UBE2V2: variants seen among roughly 807,000 people sequenced by gnomAD.
UBE2V2 encodes ubiquitin conjugating enzyme E2 V2, also known as ubiquitin-conjugating enzyme E2 variant 2.
A neutral mutation model predicts 17.2 loss-of-function variants in UBE2V2; 9 were observed. The observed-to-expected ratio is 0.52, with a 90% CI of 0.32 to 0.91. The LOEUF (loss-of-function observed/expected upper bound fraction) is 0.91, where lower values mean the gene tolerates loss of function less well. Among genes scored for constraint, UBE2V2 ranks in the 40% least tolerant of loss-of-function variants. The probability of loss-of-function intolerance (pLI) is 0.04; values close to 1 mark genes in which losing one functional copy is unlikely to be tolerated. For synonymous variants in UBE2V2, 61 were observed against 57.5 expected, an observed-to-expected ratio of 1.06 and a Z score of -0.28; for missense variants, 133 against 182.6, an observed-to-expected ratio of 0.73 and a Z score of 1.56.
At chr8:48,048,337 CT>C (rs1317820701) in intron 2 of UBE2V2, among the ~76,000 whole-genome samples, 4 of 152,294 alleles carry the variant, frequency 2.6e-5, no homozygotes, top group African/African-American at 9.6e-5. Context: ...GTGTTTATCA[CT>C]TCTTTTTATG....
At chr8:48,040,880 T>C (rs934665448) in intron 1 of UBE2V2, among the ~76,000 whole-genome samples, 1 of 134,172 alleles carries the variant, frequency 7.5e-6, no homozygotes, top group South Asian at 2.4e-4. Context: ...TGTGTGTGTG[T>C]GTGAGACAGA....
At chr8:47,999,375 T>G in the UBE2V2 span, among the ~76,000 whole-genome samples, 1 of 151,872 alleles carries the variant, frequency 6.6e-6, no homozygotes, top group African/African-American at 2.4e-5. Flanking sequence ...TTTTTTTTTT[T>G]GAGATGGAGT....
chr8:48,043,817 C>T (rs1416560878), intron 2 of UBE2V2, among the ~76,000 whole-genome samples: 1 of 152,116 alleles, frequency 6.6e-6, no homozygotes, highest in Admixed American at 6.6e-5. Context: ...ATGATTCTTA[C>T]ATTTTTTTCT....
rs1802615396 is a variant in UBE2V2, at chr8:48,062,795, T to C, written c.*1967T>C. 6.6e-6 allele frequency: 1 copy of C among 152,180 alleles called. No individual in the cohort carries two copies. The highest frequency in any genetic ancestry group is 1.5e-5 in the Non-Finnish European group (1 of 68,036). The allele number at this position is 152,180 out of a possible 1,614,324, so 9.4% of individuals were successfully genotyped here. On this transcript the variant is annotated 3_prime_UTR_variant, in exon 4 of 4. Coordinates refer to ENST00000523111, the MANE Select transcript of UBE2V2 (RefSeq NM_003350.3). ...TTAATTTCAACATGGCTGTTGCATT[T>C]TAATTATCAAAAATGTTTAAAATGC...
intron 2 of UBE2V2, among the ~76,000 whole-genome samples, chr8:48,044,900 G>GT (rs1321572739): frequency 6.6e-6 from 1 of 152,230 alleles, no homozygotes; most frequent in Admixed American, 6.5e-5. Flanking sequence ...CTTGTGATGA[G>GT]TTCATCAGTG....
upstream of UBE2V2, among the ~76,000 whole-genome samples, chr8:48,007,918 C>G (rs936847962): frequency 2.6e-5 from 4 of 151,858 alleles, no homozygotes; most frequent in African/African-American, 9.7e-5. Context: ...TGTCAATGCC[C>G]ACTTATTTTT....
chr8:48,011,434 T>G (rs1273585257), intron 1 of UBE2V2, among the ~76,000 whole-genome samples: 1 of 152,200 alleles, frequency 6.6e-6, no homozygotes, highest in Non-Finnish European at 1.5e-5. Flanking sequence ...TGCTCCGGCC[T>G]CCCAAAGTTC....
At chr8:48,049,504 C>A (rs2091521050) in intron 2 of UBE2V2, 1 of 186,194 alleles carries the variant, frequency 5.4e-6, no homozygotes, top group Non-Finnish European at 1.1e-5. Flanking sequence ...TTAGCAAAAT[C>A]TAAATTTAAG....
intron 3 of UBE2V2, among the ~76,000 whole-genome samples, chr8:48,057,019 C>T (rs2091577814): frequency 6.6e-6 from 1 of 152,170 alleles, no homozygotes. Flanking sequence ...AGCCACCACG[C>T]CTGGCCTGTA....
rs188001357 is a variant in UBE2V2 at position 48,055,285 on chromosome 8, C to T, written c.291+5307C>T. ...TGCGATCTTGGCTCACTGCAACCTC[C>T]GCCTCCTGGGTTCAAGTGACTCTCC... On this transcript the variant is annotated intron_variant, in intron 3 of 3. Transcript: ENST00000523111. 6.2e-3 allele frequency among the ~76,000 whole-genome samples: 944 copies of T among 151,278 alleles called. 13 individuals are homozygous for T. The highest frequency in any genetic ancestry group is 0.022 in the African/African-American group (895 of 41,148).
In UBE2V2 at chr8:48,061,732, A is replaced by T. The variant is rs1230121832; in HGVS notation, c.*904A>T. On this transcript the variant is annotated 3_prime_UTR_variant, in exon 4 of 4. Coordinates refer to ENST00000523111, the MANE Select transcript of UBE2V2 (RefSeq NM_003350.3). ...TGCAGACTATTTCAGAAAAGAAATTATCTAGTTTAATTTCTTCTTTGGACA... is the reference window on the plus strand; with the variant it reads ...TGCAGACTATTTCAGAAAAGAAATTTTCTAGTTTAATTTCTTCTTTGGACA... 2 of 152,246 alleles carry T rather than the reference A, an allele frequency of 1.3e-5. No individual in the cohort carries two copies. Among genetic ancestry groups the T allele is most frequent in the Non-Finnish European group, 1.5e-5 (1 of 68,024 alleles). 9.4% of individuals were successfully genotyped at this position (152,246 alleles called of 1,614,324 possible). A position where few individuals can be genotyped will look rare whatever the true frequency, so the allele number is the denominator to read the frequency against.
intron 2 of UBE2V2, among the ~76,000 whole-genome samples, chr8:48,044,641 T>C (rs1364196763): frequency 1.3e-5 from 2 of 152,154 alleles, no homozygotes; most frequent in Non-Finnish European, 2.9e-5. Flanking sequence ...GGAAATATAA[T>C]GTTGATATGT....
At chr8:48,001,365 C>T in the UBE2V2 span, among the ~76,000 whole-genome samples, 78 of 152,164 alleles carry the variant, frequency 5.1e-4, no homozygotes, top group Admixed American at 1.2e-3. Context: ...TTTGGGAGAC[C>T]GAGGTGGGCG....
intron 3 of UBE2V2, among the ~76,000 whole-genome samples, chr8:48,056,538 A>G (rs1438361533): frequency 6.6e-6 from 1 of 152,214 alleles, no homozygotes; most frequent in Non-Finnish European, 1.5e-5. Context: ...AAATTAAAAC[A>G]TAACAACATA....
chr8:48,033,588 A>T (rs931043451), intron 1 of UBE2V2, among the ~76,000 whole-genome samples: 5 of 152,132 alleles, frequency 3.3e-5, no homozygotes, highest in African/African-American at 1.2e-4. Flanking sequence ...AGTCAAATTA[A>T]CATATTCATC....
chr8:48,047,695 T>G (rs2091508971), intron 2 of UBE2V2, among the ~76,000 whole-genome samples: 1 of 152,078 alleles, frequency 6.6e-6, no homozygotes, highest in South Asian at 2.1e-4. Flanking sequence ...CTAGCTGGGA[T>G]TACAGGCGTG....
chr8:48,038,065 C>T (rs2091436463), intron 1 of UBE2V2, among the ~76,000 whole-genome samples: 1 of 152,130 alleles, frequency 6.6e-6, no homozygotes, highest in African/African-American at 2.4e-5. Flanking sequence ...TTGTAATGTC[C>T]TCCCCACGCC....
At chr8:48,023,973 T>C (rs1194981696) in intron 1 of UBE2V2, among the ~76,000 whole-genome samples, 1 of 152,188 alleles carries the variant, frequency 6.6e-6, no homozygotes, top group Non-Finnish European at 1.5e-5. Context: ...AAAATAAGTT[T>C]GACATATGTA....
chr8:48,054,698 T>A (rs182776011), intron 3 of UBE2V2, among the ~76,000 whole-genome samples: 38 of 152,352 alleles, frequency 2.5e-4, no homozygotes, highest in Non-Finnish European at 1.8e-4. Flanking sequence ...GTTGCTTTAG[T>A]AATTTTAGTT....
Sources: gnomAD v4.1 joint callset for allele counts (sites outside exome capture counted in the v4.1 genomes callset) on GRCh38, gnomAD v4.1.1 for gene constraint, MANE v1.5 for transcripts, NCBI Gene and HGNC (gene_info 2026-07-23, HGNC 2026-07-21) for gene names.